The following MAP6 variants were observed in gnomAD, a reference collection of about 807,000 sequenced individuals.
MAP6 encodes microtubule-associated protein 6.
In MAP6, 26 loss-of-function variants were observed where a neutral mutation model predicts 42.4. The observed-to-expected ratio is 0.61, with a 90% CI of 0.45 to 0.85. MAP6 has a LOEUF of 0.85. MAP6 is among the 40% of genes least tolerant of loss of function. MAP6 has a pLI of 0.00. For missense variants in MAP6, 966 were observed against 1,099.0 expected (o/e 0.88, Z 1.71); for synonymous variants, 418 against 443.8 (o/e 0.94, Z 0.73).
At chr11:75,651,954 T>C (rs1051308477) in intron 1 of MAP6, among the ~76,000 whole-genome samples, 11 of 152,196 alleles carry the variant, frequency 7.2e-5, no homozygotes, top group African/African-American at 2.7e-4. Flanking sequence ...TTTTCAGCTG[T>C]GAGCTAAGAA....
intron 1 of MAP6, among the ~76,000 whole-genome samples, chr11:75,619,336 T>G (rs1049832568): frequency 5.9e-5 from 9 of 152,248 alleles, no homozygotes; most frequent in Non-Finnish European, 1.0e-4. Context: ...TTTAAATCTT[T>G]TTTTAAAATC....
intron 1 of MAP6, among the ~76,000 whole-genome samples, chr11:75,651,331 T>C (rs1451592220): frequency 6.6e-6 from 1 of 152,196 alleles, no homozygotes; most frequent in Non-Finnish European, 1.5e-5. Context: ...AGTAGATTTT[T>C]AGAATCACCA....
chr11:75,659,732 T>G (rs147338132), intron 1 of MAP6, among the ~76,000 whole-genome samples: 27 of 152,348 alleles, frequency 1.8e-4, no homozygotes, highest in African/African-American at 6.0e-4. Context: ...TTGACACAAT[T>G]CATAAAGCCA....
chr11:75,650,037 T>A (rs934161556), intron 1 of MAP6, among the ~76,000 whole-genome samples: 1 of 152,178 alleles, frequency 6.6e-6, no homozygotes, highest in Non-Finnish European at 1.5e-5. Flanking sequence ...TCTTTGGCCA[T>A]GAGCTCCCTC....
At chr11:75,649,548 T>C (rs960360297) in intron 1 of MAP6, among the ~76,000 whole-genome samples, 3 of 152,148 alleles carry the variant, frequency 2.0e-5, no homozygotes, top group Non-Finnish European at 4.4e-5. Flanking sequence ...TATTTATTTA[T>C]TTATTTTTGA....
intron 1 of MAP6, among the ~76,000 whole-genome samples, chr11:75,610,369 TTCAG>T (rs1021679511): frequency 6.6e-6 from 1 of 152,226 alleles, no homozygotes; most frequent in Non-Finnish European, 1.5e-5. Flanking sequence ...CACCCATTCA[TTCAG>T]TCATTCATTC....
chr11:75,661,623 A>G (rs1943847555), intron 1 of MAP6, among the ~76,000 whole-genome samples: 1 of 152,140 alleles, frequency 6.6e-6, no homozygotes, highest in African/African-American at 2.4e-5. Context: ...AAAGCATTCA[A>G]TAAGATTCAA....
At chr11:75,660,505 A>G (rs1220392627) in intron 1 of MAP6, among the ~76,000 whole-genome samples, 1 of 152,140 alleles carries the variant, frequency 6.6e-6, no homozygotes. Context: ...CAGAAACACA[A>G]GGGTCATCCT....
At chr11:75,659,343 G>A (rs373306268) in intron 1 of MAP6, among the ~76,000 whole-genome samples, 1 of 152,148 alleles carries the variant, frequency 6.6e-6, no homozygotes, top group African/African-American at 2.4e-5. Context: ...TTACCCAGGC[G>A]TGGTGGTGCG....
In MAP6 at chr11:75,611,343, A is replaced by C. The variant is rs149184520; in HGVS notation, c.906-3021T>G. Among the ~76,000 whole-genome samples, 643 of 152,318 alleles carry C rather than the reference A, an allele frequency of 4.2e-3. 1 individual carries two copies. Among genetic ancestry groups the C allele is most frequent in the Non-Finnish European group, 7.6e-3 (518 of 68,028 alleles). On this transcript the variant is annotated intron_variant, in intron 1 of 3. Coordinates refer to ENST00000304771, the MANE Select transcript of MAP6 (RefSeq NM_033063.2). Reference sequence around the variant, plus strand: ...TATTCCTAAGTGCTGTTTCTGGGTCACCTCTTGCAGACCAACCTCTGCAGC... The same window carrying C: ...TATTCCTAAGTGCTGTTTCTGGGTCCCCTCTTGCAGACCAACCTCTGCAGC...
intron 1 of MAP6, among the ~76,000 whole-genome samples, chr11:75,652,768 G>A (rs896431679): frequency 1.3e-5 from 2 of 151,702 alleles, no homozygotes; most frequent in African/African-American, 4.8e-5. Context: ...GAATCCAGGA[G>A]GCGGAGGTTG....
chr11:75,624,557 C>T (rs1426996175), intron 1 of MAP6, among the ~76,000 whole-genome samples: 5 of 152,148 alleles, frequency 3.3e-5, no homozygotes, highest in South Asian at 2.1e-4. Flanking sequence ...TCAAGCTCCA[C>T]GAGCTGCCCT....
At chr11:75,624,772 T>A (rs1943168108) in intron 1 of MAP6, among the ~76,000 whole-genome samples, 1 of 152,174 alleles carries the variant, frequency 6.6e-6, no homozygotes, top group African/African-American at 2.4e-5. Flanking sequence ...ATGATCACCT[T>A]CACAGCACGT....
chr11:75,657,311 C>T lies in MAP6; in HGVS notation c.905+10154G>A, dbSNP rs192932956. 4.0e-3 allele frequency among the ~76,000 whole-genome samples: 616 copies of T among 152,214 alleles called. 6 individuals carry two copies. Among genetic ancestry groups the T allele is most frequent in the African/African-American group, 0.013 (535 of 41,538 alleles). ...ATTTTTAGTAGAGACGGGGGTTTCA[C>T]CGTGTTAGCCAGGATGGTCTCGATT... is the stretch of plus-strand genomic sequence containing the variant. On this transcript the variant is annotated intron_variant, in intron 1 of 3. Transcript: ENST00000304771.
At position 75,668,463 on chromosome 11, in the gene MAP6, T is replaced by C. The variant is rs980812664; in HGVS notation, c.-94A>G. ...TCAGCCTCCGATCCTGACCGGCCAA[T>C]GTGGTTCCCACCGTTTTCTACCCCC... is the stretch of plus-strand genomic sequence containing the variant. On this transcript the variant is annotated 5_prime_UTR_variant, in exon 1 of 4. Coordinates refer to ENST00000304771, the MANE Select transcript of MAP6 (RefSeq NM_033063.2). The C allele has an allele frequency of 2.8e-6, 4 of 1,409,128 alleles. No homozygotes were observed. Among genetic ancestry groups the C allele is most frequent in the Non-Finnish European group, 2.8e-6 (3 of 1,081,890 alleles). The allele number at this position is 1,409,128 out of a possible 1,614,324, so 87.3% of individuals were successfully genotyped here. A position where few individuals can be genotyped will look rare whatever the true frequency, so the allele number is the denominator to read the frequency against.
At chr11:75,658,619 C>A (rs117747210) in intron 1 of MAP6, among the ~76,000 whole-genome samples, 1 of 152,320 alleles carries the variant, frequency 6.6e-6, no homozygotes, top group East Asian at 1.9e-4. Context: ...CCACTGCTGT[C>A]AAAGTCACCT....
intron 1 of MAP6, among the ~76,000 whole-genome samples, chr11:75,631,588 C>G (rs963307728): frequency 1.3e-5 from 2 of 152,112 alleles, no homozygotes; most frequent in African/African-American, 2.4e-5. Context: ...TAAGGAAACT[C>G]AAACATGAAA....
At chr11:75,614,712 G>T (rs1170794776) in intron 1 of MAP6, among the ~76,000 whole-genome samples, 1 of 152,212 alleles carries the variant, frequency 6.6e-6, no homozygotes, top group Admixed American at 6.5e-5. Flanking sequence ...GAAACTTTAT[G>T]AGATCAAAAA....
At position 75,667,962 on chromosome 11, in the gene MAP6, G is replaced by A; in HGVS notation, c.408C>T (p.Ser136=). The change falls in exon 1 of 4, where the codon AGC becomes AGT. Residue 136 remains serine (S), a synonymous_variant. Transcript: ENST00000304771. The surrounding 1 kb of genome is among the most constrained non-coding windows in gnomAD (Gnocchi z 5.6). ...GCTGGTATTCGCTGCGCGGCCGGCA[G>A]CTGGGCTCGGGCCGCTGCACCTTCC... ...RAWKVQRPEP[S]CRPRSEYQPS... The A allele has an allele frequency of 4.5e-6, 6 of 1,331,358 alleles. No homozygotes were observed. Among genetic ancestry groups the A allele is most frequent in the Non-Finnish European group, 5.8e-6 (6 of 1,035,064 alleles). 82.5% of individuals were successfully genotyped at this position (1,331,358 alleles called of 1,614,324 possible).
Sources: gnomAD v4.1 joint callset for allele counts (sites outside exome capture counted in the v4.1 genomes callset) on GRCh38, gnomAD v4.1.1 for gene constraint, Gnocchi (gnomAD v3.1) non-coding constraint, MANE v1.5 for transcripts, NCBI Gene and HGNC (gene_info 2026-07-23, HGNC 2026-07-21) for gene names.